Variants in KCNMA1 observed in about 807,000 individuals in gnomAD.
The protein encoded by KCNMA1 is potassium calcium-activated channel subfamily M alpha 1, also known as Calcium-activated potassium channel subunit alpha-1.
Under a neutral mutation model 140.0 loss-of-function variants are expected in KCNMA1, and 29 were observed. The observed-to-expected ratio is 0.21, with a 90% confidence interval of 0.15 to 0.28. The LOEUF (loss-of-function observed/expected upper bound fraction) is 0.28. Among genes scored for constraint, KCNMA1 ranks in the 10% least tolerant of loss-of-function variants. KCNMA1 has a pLI of 1.00. For synonymous variants in KCNMA1, 612 were observed against 611.9 expected, an observed-to-expected ratio of 1.00 and a Z score of 0.00; for missense variants, 880 against 1,602.2, an observed-to-expected ratio of 0.55 and a Z score of 7.70.
chr10:77,072,317 T>A (rs766714437), intron 14 of KCNMA1, among the ~76,000 whole-genome samples: 2 of 152,118 alleles, frequency 1.3e-5, no homozygotes, highest in Non-Finnish European at 2.9e-5. Context: ...AGGACTGGAG[T>A]GACTGTTATC....
At chr10:77,151,475 C>G (rs1034855330) in intron 5 of KCNMA1, among the ~76,000 whole-genome samples, 16 of 152,080 alleles carry the variant, frequency 1.1e-4, no homozygotes, top group African/African-American at 7.2e-5. Flanking sequence ...ATCTGCCCCC[C>G]CTTGCCCTTC....
At chr10:77,451,973 T>C (rs1178802069) in intron 1 of KCNMA1, among the ~76,000 whole-genome samples, 1 of 152,198 alleles carries the variant, frequency 6.6e-6, no homozygotes, top group Non-Finnish European at 1.5e-5. Flanking sequence ...AATGTCTCTT[T>C]CCTCCTGCAA....
At position 77,506,596 on chromosome 10, in the gene KCNMA1, A is replaced by AGAGAGTGTGTGTGT; in HGVS notation, c.379-102574_379-102573insACACACACACTCTC. Among the ~76,000 whole-genome samples the AGAGAGTGTGTGTGT allele has an allele frequency of 3.6e-3, 301 of 83,544 alleles. 11 individuals are homozygous for AGAGAGTGTGTGTGT. The highest frequency in any genetic ancestry group is 0.022 in the East Asian group (50 of 2,244). The allele number at this position is 83,544 out of a possible 152,430, so 54.8% of individuals were successfully genotyped here. A position where few individuals can be genotyped will look rare whatever the true frequency, so the allele number is the denominator to read the frequency against. On this transcript the variant is annotated intron_variant, in intron 1 of 27. Transcript: ENST00000286628. Reference sequence around the variant, plus strand: ...TAGAGAGAGAGAGAGAGAGAGAGAGAGTGTGTGTGTGTGTGTGTGTGTGTT... The same window carrying AGAGAGTGTGTGTGT: ...TAGAGAGAGAGAGAGAGAGAGAGAGAGAGAGTGTGTGTGTGTGTGTGTGTGTGTGTGTGTGTGTT...
intron 3 of KCNMA1, among the ~76,000 whole-genome samples, chr10:77,239,354 G>C (rs1376732831): frequency 6.6e-6 from 1 of 152,180 alleles, no homozygotes; most frequent in Non-Finnish European, 1.5e-5. Context: ...CTGGGCCATG[G>C]GTTCATTTTC....
chr10:76,959,123 C>T (rs2069768675), intron 20 of KCNMA1, among the ~76,000 whole-genome samples: 2 of 152,210 alleles, frequency 1.3e-5, no homozygotes, highest in South Asian at 2.1e-4. Context: ...AACATACAGG[C>T]ATGTTAGATC....
chr10:77,404,990 T>C (rs1308100034), intron 1 of KCNMA1, among the ~76,000 whole-genome samples: 1 of 148,334 alleles, frequency 6.7e-6, no homozygotes, highest in Non-Finnish European at 1.5e-5. Flanking sequence ...CAGCTGTGCC[T>C]GAAATCTACA....
intron 1 of KCNMA1, among the ~76,000 whole-genome samples, chr10:77,600,459 C>T (rs992572343): frequency 9.9e-5 from 15 of 152,262 alleles, no homozygotes; most frequent in African/African-American, 3.6e-4. Context: ...ACAAAACACA[C>T]ACACAGAGGC....
chr10:77,450,865 C>G (rs2097638989), intron 1 of KCNMA1, among the ~76,000 whole-genome samples: 1 of 152,196 alleles, frequency 6.6e-6, no homozygotes. Flanking sequence ...GGGACCCAGT[C>G]AGGGGTAACA....
chr10:77,254,891 C>A (rs1218451901), intron 2 of KCNMA1, among the ~76,000 whole-genome samples: 1 of 152,192 alleles, frequency 6.6e-6, no homozygotes, highest in African/African-American at 2.4e-5. Flanking sequence ...CCCTGCCCTA[C>A]AGCAGCTGAG....
intron 1 of KCNMA1, among the ~76,000 whole-genome samples, chr10:77,543,468 G>A (rs1370635720): frequency 1.3e-5 from 2 of 152,152 alleles, no homozygotes; most frequent in East Asian, 1.9e-4. Flanking sequence ...CACACTACAG[G>A]AGGAAAATAA....
intron 1 of KCNMA1, among the ~76,000 whole-genome samples, chr10:77,633,345 A>C (rs1182136116): frequency 3.3e-5 from 5 of 152,118 alleles, no homozygotes; most frequent in African/African-American, 1.2e-4. Flanking sequence ...GGAGAGAGAG[A>C]GAGAGCAAGG....
intron 3 of KCNMA1, among the ~76,000 whole-genome samples, chr10:77,245,208 A>G (rs1334895613): frequency 6.6e-6 from 1 of 152,204 alleles, no homozygotes; most frequent in Non-Finnish European, 1.5e-5. Context: ...TTTCCAGAAC[A>G]CTACCTAGAA....
chr10:77,511,615 A>G (rs2048433735), intron 1 of KCNMA1, among the ~76,000 whole-genome samples: 1 of 152,210 alleles, frequency 6.6e-6, no homozygotes, highest in African/African-American at 2.4e-5. Flanking sequence ...TAAAGCAAGC[A>G]GGATGCTTGG....
intron 1 of KCNMA1, among the ~76,000 whole-genome samples, chr10:77,581,022 T>C (rs1277474730): frequency 2.6e-5 from 4 of 152,212 alleles, no homozygotes; most frequent in Admixed American, 2.6e-4. Flanking sequence ...CTGGGAAGAA[T>C]CCATGCTTGG....
chr10:77,503,229 G>A (rs148881074), intron 1 of KCNMA1, among the ~76,000 whole-genome samples: 65 of 152,332 alleles, frequency 4.3e-4, no homozygotes, highest in African/African-American at 1.2e-3. Flanking sequence ...GGAGTGGTAA[G>A]AGACTTCCTA....
chr10:77,177,090 G>A (rs1028753110), intron 5 of KCNMA1, among the ~76,000 whole-genome samples: 1 of 152,126 alleles, frequency 6.6e-6, no homozygotes, highest in African/African-American at 2.4e-5. Flanking sequence ...CTAGAAGCTG[G>A]AAAAGGCAAG....
At chr10:77,141,295 G>A (rs531721796) in intron 5 of KCNMA1, among the ~76,000 whole-genome samples, 24 of 152,138 alleles carry the variant, frequency 1.6e-4, no homozygotes, top group South Asian at 1.2e-3. Flanking sequence ...TCTGTTACAG[G>A]CTACATTATG....
At chr10:77,215,429 T>C (rs2154180588) in intron 3 of KCNMA1, among the ~76,000 whole-genome samples, 1 of 149,964 alleles carries the variant, frequency 6.7e-6, no homozygotes, top group Admixed American at 6.7e-5. Context: ...TTTGCCTGTC[T>C]CCTCCTCTAG....
intron 1 of KCNMA1, among the ~76,000 whole-genome samples, chr10:77,537,122 G>A (rs1391500187): frequency 6.6e-6 from 1 of 152,092 alleles, no homozygotes; most frequent in African/African-American, 2.4e-5. Flanking sequence ...AATCTCCAGG[G>A]GGAGTACATA....
Sources: gnomAD v4.1 joint callset for allele counts (sites outside exome capture counted in the v4.1 genomes callset) on GRCh38, gnomAD v4.1.1 for gene constraint, MANE v1.5 for transcripts, NCBI Gene and HGNC (gene_info 2026-07-23, HGNC 2026-07-21) for gene names.